The following SLC2A13 variants were observed in gnomAD, a reference collection of about 807,000 sequenced individuals.
SLC2A13 encodes solute carrier family 2 member 13.
In SLC2A13, 32 loss-of-function variants were observed where a neutral mutation model predicts 64.4. The ratio of observed to expected loss-of-function variants is 0.50; its 90% CI spans 0.37 to 0.67. SLC2A13 has a LOEUF of 0.67. SLC2A13 is among the 30% of genes least tolerant of loss of function. SLC2A13 has a pLI of 0.00. For missense variants in SLC2A13, 743 were observed against 829.2 expected (o/e 0.90, Z 1.28); for synonymous variants, 338 against 327.1 (o/e 1.03, Z -0.36).
chr12:40,059,045 A>T (rs1948377310), intron 1 of SLC2A13, among the ~76,000 whole-genome samples: 1 of 152,208 alleles, frequency 6.6e-6, no homozygotes. Flanking sequence ...AGCTGGCATG[A>T]ATGCTGGCAT....
At chr12:39,904,816 A>G (rs1278586045) in intron 4 of SLC2A13, among the ~76,000 whole-genome samples, 1 of 152,102 alleles carries the variant, frequency 6.6e-6, no homozygotes, top group Non-Finnish European at 1.5e-5. Flanking sequence ...ATATTTGTTG[A>G]ATGAATACCT....
chr12:39,796,445 C>A (rs1386255545), intron 7 of SLC2A13, among the ~76,000 whole-genome samples: 2 of 144,388 alleles, frequency 1.4e-5, no homozygotes, highest in South Asian at 4.5e-4. Context: ...AAAAAAAAAC[C>A]TAAACAAACA....
chr12:40,007,639 T>C (rs909674122), intron 3 of SLC2A13, among the ~76,000 whole-genome samples: 3 of 152,194 alleles, frequency 2.0e-5, no homozygotes, highest in Middle Eastern at 3.2e-3. Flanking sequence ...AAGATAAGCT[T>C]TGTTTTGAAT....
chr12:39,983,055 C>G (rs989053453), intron 3 of SLC2A13, among the ~76,000 whole-genome samples: 3 of 150,156 alleles, frequency 2.0e-5, no homozygotes, highest in Non-Finnish European at 3.0e-5. Context: ...TTTGACAAAC[C>G]TGAGAAAAAC....
rs559881564 is a variant in SLC2A13 at position 39,772,507 on chromosome 12, T to C, written c.1446-7649A>G. On this transcript the variant is annotated intron_variant, in intron 7 of 9. Transcript: ENST00000280871. The stretch of plus-strand genomic sequence containing the variant: ...AGCTTTTACATTTGCATTTGTTTAA[T>C]TGTGAGTAGAAAACAGCATTAGATG... Among the ~76,000 whole-genome samples, 7 of 152,190 alleles carry C rather than the reference T, an allele frequency of 4.6e-5. 1 individual carries two copies. In the South Asian group the frequency reaches 1.5e-3, roughly 32 times the overall value.
chr12:40,006,820 A>G (rs1947429181), intron 3 of SLC2A13, among the ~76,000 whole-genome samples: 1 of 152,204 alleles, frequency 6.6e-6, no homozygotes. Context: ...TGTCGGCTAG[A>G]CAGATCTCAA....
At chr12:39,891,986 AG>A (rs1944621616) in intron 4 of SLC2A13, among the ~76,000 whole-genome samples, 1 of 152,196 alleles carries the variant, frequency 6.6e-6, no homozygotes, top group Non-Finnish European at 1.5e-5. Flanking sequence ...TTTTTTTACT[AG>A]GTTTAATCAA....
intron 3 of SLC2A13, among the ~76,000 whole-genome samples, chr12:39,955,385 C>G (rs1225323134): frequency 6.6e-6 from 1 of 152,100 alleles, no homozygotes; most frequent in Non-Finnish European, 1.5e-5. Flanking sequence ...AACCTTCAAC[C>G]TTAAGAAACC....
chr12:40,047,941 G>T, intron 2 of SLC2A13, 110 bp downstream of exon 2: 1 of 1,003,134 alleles, frequency 1.0e-6, no homozygotes, highest in Non-Finnish European at 1.4e-6. Flanking sequence ...TTATAAATTA[G>T]CAATAATGAT....
intron 7 of SLC2A13, among the ~76,000 whole-genome samples, chr12:39,809,702 T>G (rs1942086655): frequency 6.6e-6 from 1 of 152,210 alleles, no homozygotes; most frequent in Non-Finnish European, 1.5e-5. Flanking sequence ...TTCCCCTTCC[T>G]GTGTCCATGT....
chr12:39,848,142 C>A (rs1481550212), intron 6 of SLC2A13, among the ~76,000 whole-genome samples: 2 of 152,050 alleles, frequency 1.3e-5, no homozygotes, highest in South Asian at 4.2e-4. Context: ...ACAAAGATAC[C>A]AAAACCAATT....
chr12:39,961,676 A>AT (rs778579412), intron 3 of SLC2A13, among the ~76,000 whole-genome samples: 39 of 149,240 alleles, frequency 2.6e-4, no homozygotes, highest in African/African-American at 8.6e-4. Context: ...TTAAAAAAAA[A>AT]TTTTTTTTTT....
chr12:40,055,602 AC>A (rs1184858717), intron 1 of SLC2A13, among the ~76,000 whole-genome samples: 2 of 152,194 alleles, frequency 1.3e-5, no homozygotes, highest in African/African-American at 4.8e-5. Flanking sequence ...ATTGATTAGT[AC>A]TATGGAATGC....
At chr12:39,955,566 G>A (rs1946301211) in intron 3 of SLC2A13, among the ~76,000 whole-genome samples, 1 of 152,058 alleles carries the variant, frequency 6.6e-6, no homozygotes, top group Non-Finnish European at 1.5e-5. Context: ...AGCTATGGTA[G>A]GCTAAATAAG....
chr12:39,947,515 T>C (rs536750981), intron 4 of SLC2A13, among the ~76,000 whole-genome samples: 7 of 152,284 alleles, frequency 4.6e-5, no homozygotes, highest in Admixed American at 6.5e-5. Context: ...CCTCCAAACA[T>C]GAACACATGT....
chr12:39,932,049 C>T lies in SLC2A13; in HGVS notation c.1034+19208G>A, dbSNP rs75567133. Among the ~76,000 whole-genome samples, 279 of 152,242 alleles carry T rather than the reference C, an allele frequency of 1.8e-3. 2 individuals are homozygous for T. Among genetic ancestry groups the T allele is most frequent in the African/African-American group, 6.2e-3 (256 of 41,546 alleles). ...ATATAACTTGGCAATCTAGTTTATT[C>T]ATTTCCTAGAAAAGGTGAAAAAATA... On this transcript the variant is annotated intron_variant, in intron 4 of 9. Transcript: ENST00000280871.
At chr12:40,055,415 C>G (rs1948319405) in intron 1 of SLC2A13, among the ~76,000 whole-genome samples, 1 of 152,192 alleles carries the variant, frequency 6.6e-6, no homozygotes, top group South Asian at 2.1e-4. Flanking sequence ...AATCTTCTAT[C>G]TGTCTATGTC....
intron 4 of SLC2A13, among the ~76,000 whole-genome samples, chr12:39,877,582 A>T (rs1027515160): frequency 6.6e-6 from 1 of 152,198 alleles, no homozygotes; most frequent in Non-Finnish European, 1.5e-5. Flanking sequence ...TCTCTTTCAT[A>T]GGGCAGAAGA....
intron 3 of SLC2A13, among the ~76,000 whole-genome samples, chr12:40,019,528 GT>G (rs1947678997): frequency 6.6e-6 from 1 of 152,160 alleles, no homozygotes; most frequent in Non-Finnish European, 1.5e-5. Flanking sequence ...CATTTTCCCA[GT>G]ACAACGTGGA....
Sources: gnomAD v4.1 joint callset for allele counts (sites outside exome capture counted in the v4.1 genomes callset) on GRCh38, gnomAD v4.1.1 for gene constraint, MANE v1.5 for transcripts, NCBI Gene and HGNC (gene_info 2026-07-23, HGNC 2026-07-21) for gene names.